ATP11A: variants seen among roughly 807,000 people sequenced by gnomAD.
ATP11A encodes the protein ATPase phospholipid transporting 11A.
ATP11A carries 81 observed loss-of-function variants against 154.4 expected under a neutral mutation model. The observed-to-expected ratio is 0.52, with a 90% CI of 0.44 to 0.63. The LOEUF (loss-of-function observed/expected upper bound fraction) is 0.63, where lower values mean the gene tolerates loss of function less well. ATP11A is among the 30% of genes least tolerant of loss of function. The probability of loss-of-function intolerance (pLI) is 0.00; values close to 1 mark genes in which losing one functional copy is unlikely to be tolerated. For synonymous variants in ATP11A, 623 were observed against 585.9 expected (o/e 1.06, Z -0.91); for missense variants, 1,316 against 1,474.3 (o/e 0.89, Z 1.76).
At chr13:112,823,656 A>G (rs571890934) in intron 9 of ATP11A, among the ~76,000 whole-genome samples, 58 of 152,378 alleles carry the variant, frequency 3.8e-4, no homozygotes, top group African/African-American at 1.3e-3. Context: ...AGAACATTGC[A>G]TCCGTGAAGG....
chr13:112,737,940 T>C (rs1302977941), intron 1 of ATP11A, among the ~76,000 whole-genome samples: 1 of 152,206 alleles, frequency 6.6e-6, no homozygotes, highest in East Asian at 1.9e-4. Flanking sequence ...TAGCCTGGAA[T>C]TGACCCTTGA....
At chr13:112,857,015 A>C (rs766935403) in intron 20 of ATP11A, among the ~76,000 whole-genome samples, 8 of 152,232 alleles carry the variant, frequency 5.3e-5, no homozygotes, top group Non-Finnish European at 1.0e-4. Flanking sequence ...GCGTAACTGC[A>C]CATAAACCTT....
intron 17 of ATP11A, among the ~76,000 whole-genome samples, chr13:112,845,135 GGCAGTA>G (rs2079546976): frequency 2.0e-5 from 3 of 151,454 alleles, no homozygotes; most frequent in Admixed American, 6.6e-5. Flanking sequence ...CCAAGTGCCG[GGCAGTA>G]GCAGTACTAA....
intron 1 of ATP11A, among the ~76,000 whole-genome samples, chr13:112,721,291 T>A: frequency 6.6e-6 from 1 of 152,170 alleles, no homozygotes; most frequent in East Asian, 1.9e-4. Context: ...TCCATCTTAG[T>A]CAAGAAAACT....
At chr13:112,771,552 C>A (rs575331148) in intron 1 of ATP11A, among the ~76,000 whole-genome samples, 4 of 152,182 alleles carry the variant, frequency 2.6e-5, no homozygotes, top group Non-Finnish European at 4.4e-5. Flanking sequence ...CCTTTGGAAA[C>A]TTACTGGGCT....
chr13:112,796,138 G>C (rs537384464), intron 2 of ATP11A, among the ~76,000 whole-genome samples: 1 of 152,214 alleles, frequency 6.6e-6, no homozygotes, highest in Non-Finnish European at 1.5e-5. Flanking sequence ...AGAAACAAAA[G>C]AAATGAAGAG....
At chr13:112,737,469 A>G (rs1477505436) in intron 1 of ATP11A, among the ~76,000 whole-genome samples, 1 of 152,236 alleles carries the variant, frequency 6.6e-6, no homozygotes. Flanking sequence ...ATGGGCTTCC[A>G]GGGACGGTTT....
At chr13:112,880,603 C>G in intron 29 of ATP11A, 1 of 1,299,686 alleles carries the variant, frequency 7.7e-7, no homozygotes, top group Non-Finnish European at 1.0e-6. Flanking sequence ...TGGGCCCCTC[C>G]TGAAGGACCT....
At chr13:112,749,991 A>G (rs35883085) in intron 1 of ATP11A, among the ~76,000 whole-genome samples, 2 of 120,194 alleles carry the variant, frequency 1.7e-5, no homozygotes, top group African/African-American at 3.9e-5. Flanking sequence ...GCGGGGTTGA[A>G]TCCCCCTTCA....
chr13:112,834,562 A>AC (rs1302765221), intron 14 of ATP11A, 27 bp from the exon 15 acceptor site: 1 of 1,503,254 alleles, frequency 6.7e-7, no homozygotes, highest in African/African-American at 1.4e-5. Flanking sequence ...TCTCAGATTC[A>AC]CCCCGAGGTT....
chr13:112,867,787 G>A (rs1594229835), intron 25 of ATP11A, among the ~76,000 whole-genome samples: 1 of 152,202 alleles, frequency 6.6e-6, no homozygotes, highest in Non-Finnish European at 1.5e-5. Context: ...GAACTTGGGG[G>A]CAGTCCTAGT....
intron 5 of ATP11A, among the ~76,000 whole-genome samples, chr13:112,813,551 A>G (rs1402132611): frequency 6.6e-6 from 1 of 152,234 alleles, no homozygotes; most frequent in Non-Finnish European, 1.5e-5. Flanking sequence ...GCTGTTATCA[A>G]GAGAGCTGCT....
At chr13:112,854,605 AGTC>A in intron 19 of ATP11A, 75 bp downstream of exon 19, 1 of 1,512,210 alleles carries the variant, frequency 6.6e-7, no homozygotes, top group Middle Eastern at 2.5e-4. Flanking sequence ...TTCACCTGCA[AGTC>A]GGGGAGCCGC....
rs970992478 is a variant in ATP11A at position 112,754,916 on chromosome 13, C to T, written c.40-30219C>T. Among the ~76,000 whole-genome samples, 3 of 152,216 alleles carry T rather than the reference C, an allele frequency of 2.0e-5. No homozygotes were observed. Among genetic ancestry groups the T allele is most frequent in the African/African-American group, 7.2e-5 (3 of 41,464 alleles). ...GCCCTCCTAGACACCCTGCACTTGC[C>T]CCTCCCGAGCGCGTGTGCCTGACCT... On this transcript the variant is annotated intron_variant, in intron 1 of 29. Coordinates refer to ENST00000375645, the MANE Select transcript of ATP11A (RefSeq NM_015205.3). This position sits in a 1 kb window ranked among gnomAD's most constrained non-coding sequence, Gnocchi z 5.3.
chr13:112,886,519 CA>C lies in ATP11A; in HGVS notation c.*4654del. 6.6e-6 allele frequency: 1 copy of C among 152,310 alleles called. No individual in the cohort carries two copies. Among genetic ancestry groups the C allele is most frequent in the East Asian group, 1.9e-4 (1 of 5,192 alleles). The allele number at this position is 152,310 out of a possible 1,614,324, so 9.4% of individuals were successfully genotyped here. Reference sequence around the variant, plus strand: ...GTAACTTTAAAAACAGGAAAAATATCAGTTGGCAAATGCAATCTTTTTTTTT... The same window carrying C: ...GTAACTTTAAAAACAGGAAAAATATCGTTGGCAAATGCAATCTTTTTTTTT... On this transcript the variant is annotated 3_prime_UTR_variant, in exon 30 of 30. Transcript: ENST00000375645.
chr13:112,708,637 C>T (rs928179773), intron 1 of ATP11A, among the ~76,000 whole-genome samples: 4 of 152,220 alleles, frequency 2.6e-5, no homozygotes, highest in Admixed American at 2.6e-4. Flanking sequence ...CAACATGTCA[C>T]CCTTGCAAAC....
intron 2 of ATP11A, among the ~76,000 whole-genome samples, chr13:112,793,494 C>T (rs920842203): frequency 3.3e-5 from 5 of 152,352 alleles, no homozygotes; most frequent in East Asian, 1.9e-4. Flanking sequence ...TGAGTCGCCG[C>T]GCCCATCCAG....
At chr13:112,715,749 T>C (rs963227742) in intron 1 of ATP11A, among the ~76,000 whole-genome samples, 2 of 151,674 alleles carry the variant, frequency 1.3e-5, no homozygotes, top group Non-Finnish European at 2.9e-5. Flanking sequence ...GTTGTGCTAT[T>C]TTGCAGGACG....
intron 10 of ATP11A, 121 bp from the exon 11 acceptor site, chr13:112,825,309 A>G (rs2078904309): frequency 8.6e-7 from 1 of 1,162,630 alleles, no homozygotes; most frequent in African/African-American, 1.6e-5. Flanking sequence ...TTGAGGGCGA[A>G]CACATCACTG....
Sources: gnomAD v4.1 joint callset for allele counts (sites outside exome capture counted in the v4.1 genomes callset) on GRCh38, gnomAD v4.1.1 for gene constraint, Gnocchi (gnomAD v3.1) non-coding constraint, MANE v1.5 for transcripts, NCBI Gene and HGNC (gene_info 2026-07-23, HGNC 2026-07-21) for gene names.